Variants in RAD18 observed in about 807,000 individuals in gnomAD.
The protein encoded by RAD18 is RAD18 E3 ubiquitin protein ligase, also known as E3 ubiquitin-protein ligase RAD18.
A neutral mutation model predicts 60.4 loss-of-function variants in RAD18; 47 were observed. The observed-to-expected ratio is 0.78, with a 90% CI of 0.62 to 0.99. The LOEUF is 0.99. Ranked by LOEUF, RAD18 falls within the 50% of genes least tolerant of loss-of-function variation. RAD18 has a pLI of 0.00. For synonymous variants in RAD18, 225 were observed against 195.5 expected (o/e 1.15, Z -1.26); for missense variants, 640 against 593.3 (o/e 1.08, Z -0.82).
intron 12 of RAD18, among the ~76,000 whole-genome samples, chr3:8,888,747 C>T (rs945078774): frequency 2.6e-5 from 4 of 152,178 alleles, no homozygotes; most frequent in Non-Finnish European, 4.4e-5. Flanking sequence ...TCTCTGGAGC[C>T]GAGCTTCCTT....
intron 11 of RAD18, among the ~76,000 whole-genome samples, chr3:8,891,014 G>C (rs1165090494): frequency 6.6e-6 from 1 of 151,334 alleles, no homozygotes; most frequent in Non-Finnish European, 1.5e-5. Context: ...CAAATATGAT[G>C]TCTGTTTGTT....
chr3:8,959,569 AC>A (rs778979583), intron 1 of RAD18, among the ~76,000 whole-genome samples: 6 of 152,196 alleles, frequency 3.9e-5, no homozygotes, highest in Non-Finnish European at 7.3e-5. Flanking sequence ...TCGGCATGGT[AC>A]TACACATGCA....
At chr3:8,933,478 A>G (rs564717429) in intron 7 of RAD18, among the ~76,000 whole-genome samples, 1 of 152,354 alleles carries the variant, frequency 6.6e-6, no homozygotes, top group African/African-American at 2.4e-5. Context: ...GTTATACATC[A>G]ATAAAAAGGG....
At chr3:8,925,529 G>GA (rs1037105705) in intron 7 of RAD18, among the ~76,000 whole-genome samples, 45 of 151,914 alleles carry the variant, frequency 3.0e-4, no homozygotes, top group African/African-American at 1.0e-3. Flanking sequence ...CCAATCAATA[G>GA]AAAAAAAGAG....
At chr3:8,955,207 C>T (rs1022584229) in intron 2 of RAD18, among the ~76,000 whole-genome samples, 1 of 152,144 alleles carries the variant, frequency 6.6e-6, no homozygotes, top group African/African-American at 2.4e-5. Context: ...AAGGTCTGGA[C>T]TAGTACCACA....
intron 3 of RAD18, among the ~76,000 whole-genome samples, chr3:8,948,175 TAGAC>T (rs1301376732): frequency 6.6e-6 from 1 of 152,186 alleles, no homozygotes; most frequent in Non-Finnish European, 1.5e-5. Flanking sequence ...CACAAATACT[TAGAC>T]AGTTCTTTGC....
chr3:8,908,169 G>A (rs1188425270), intron 9 of RAD18, among the ~76,000 whole-genome samples: 1 of 152,132 alleles, frequency 6.6e-6, no homozygotes, highest in Admixed American at 6.5e-5. Flanking sequence ...TGGAGGTCTA[G>A]CTGATCTGAA....
At chr3:8,886,928 C>T (rs760283805) in intron 12 of RAD18, among the ~76,000 whole-genome samples, 2 of 152,116 alleles carry the variant, frequency 1.3e-5, no homozygotes, top group Non-Finnish European at 1.5e-5. Flanking sequence ...CACGAAAAGC[C>T]TTGGATGGTG....
intron 9 of RAD18, among the ~76,000 whole-genome samples, chr3:8,906,002 T>C (rs1939995606): frequency 6.6e-6 from 1 of 152,178 alleles, no homozygotes; most frequent in Non-Finnish European, 1.5e-5. Context: ...GGCTAACCTC[T>C]AACTTATGCT....
At chr3:8,890,349 G>A in intron 12 of RAD18, 40 bp downstream of exon 12, 1 of 1,460,668 alleles carries the variant, frequency 6.8e-7, no homozygotes, top group Non-Finnish European at 9.6e-7. Flanking sequence ...TAATTTCTCA[G>A]GTCAAAGTGC....
intron 7 of RAD18, among the ~76,000 whole-genome samples, chr3:8,918,940 G>A (rs1194548616): frequency 6.6e-6 from 1 of 152,192 alleles, no homozygotes; most frequent in Non-Finnish European, 1.5e-5. Flanking sequence ...TCCAATGATG[G>A]CAGCTGACAA....
intron 7 of RAD18, among the ~76,000 whole-genome samples, chr3:8,929,319 C>T (rs645391): frequency 0.45 from 68,474 of 151,526 alleles, 19,039 homozygotes; most frequent in Middle Eastern, 0.61. Flanking sequence ...TTTAGAAAAA[C>T]GAGAAAAATT....
rs901781279 is a variant in RAD18 at position 8,879,331 on chromosome 3, T to G, written c.*2026A>C. On this transcript the variant is annotated 3_prime_UTR_variant, in exon 13 of 13. Coordinates refer to ENST00000264926, the MANE Select transcript of RAD18 (RefSeq NM_020165.4). ...CTGAAGTAAAATGAGGCCATACGCA[T>G]GGGCCCTGATCCAATGACTGCTGTC... is the stretch of plus-strand genomic sequence containing the variant. 1.3e-5 allele frequency: 2 copies of G among 152,154 alleles called. No individual in the cohort carries two copies. Among genetic ancestry groups the G allele is most frequent in the Admixed American group, 6.5e-5 (1 of 15,274 alleles). 9.4% of individuals were successfully genotyped at this position (152,154 alleles called of 1,614,324 possible). A position where few individuals can be genotyped will look rare whatever the true frequency, so the allele number is the denominator to read the frequency against.
At chr3:8,890,582 A>T in intron 11 of RAD18, 131 bp from the exon 12 acceptor site, 2 of 603,818 alleles carry the variant, frequency 3.3e-6, no homozygotes, top group Non-Finnish European at 5.7e-6. Flanking sequence ...AGTAAGAGGA[A>T]GGAGGGAGAG....
At chr3:8,940,355 TA>T (rs1427782900) in intron 5 of RAD18, among the ~76,000 whole-genome samples, 1 of 152,102 alleles carries the variant, frequency 6.6e-6, no homozygotes, top group African/African-American at 2.4e-5. Flanking sequence ...AAGGTTCCGC[TA>T]GGGGAAAAAC....
At chr3:8,961,667 C>T (rs1184932902) in intron 1 of RAD18, among the ~76,000 whole-genome samples, 2 of 152,146 alleles carry the variant, frequency 1.3e-5, no homozygotes, top group African/African-American at 2.4e-5. Flanking sequence ...GATTAAAATA[C>T]TGAAAGGGGC....
At chr3:8,953,509 T>C (rs1159927672) in intron 2 of RAD18, among the ~76,000 whole-genome samples, 2 of 152,168 alleles carry the variant, frequency 1.3e-5, no homozygotes, top group Non-Finnish European at 2.9e-5. Flanking sequence ...ATTTATTCTC[T>C]AGTGGGCAAC....
chr3:8,922,317 C>T (rs1307635725), intron 7 of RAD18, among the ~76,000 whole-genome samples: 3 of 152,192 alleles, frequency 2.0e-5, no homozygotes, highest in East Asian at 1.9e-4. Context: ...GAGGGTCCTA[C>T]GCCCACAGAG....
At chr3:8,923,585 G>A (rs568082503) in intron 7 of RAD18, among the ~76,000 whole-genome samples, 1 of 152,102 alleles carries the variant, frequency 6.6e-6, no homozygotes, top group African/African-American at 2.4e-5. Flanking sequence ...TACTCCTCGA[G>A]AAGAGCAACT....
Sources: gnomAD v4.1 joint callset for allele counts (sites outside exome capture counted in the v4.1 genomes callset) on GRCh38, gnomAD v4.1.1 for gene constraint, MANE v1.5 for transcripts, NCBI Gene and HGNC (gene_info 2026-07-23, HGNC 2026-07-21) for gene names.